LRRTM3: variants seen among roughly 807,000 people sequenced by gnomAD.
LRRTM3 encodes leucine rich repeat transmembrane neuronal 3.
LRRTM3 carries 24 observed loss-of-function variants against 44.7 expected under a neutral mutation model. The observed-to-expected ratio is 0.54, with a 90% CI of 0.39 to 0.76. The LOEUF is 0.76. Ranked by LOEUF, LRRTM3 falls within the 30% of genes least tolerant of loss-of-function variation. The pLI is 0.00. For missense variants in LRRTM3, 587 were observed against 702.2 expected (o/e 0.84, Z 1.85); for synonymous variants, 277 against 278.7 (o/e 0.99, Z 0.06).
chr10:66,995,845 G>A lies in LRRTM3; in HGVS notation c.1536+67393G>A, dbSNP rs373651968. Among the ~76,000 whole-genome samples the A allele has an allele frequency of 3.3e-5, 5 of 152,260 alleles. No homozygotes were observed. The East Asian group carries it at 7.7e-4, about 24-fold the overall frequency. On this transcript the variant is annotated intron_variant, in intron 2 of 2. Coordinates refer to ENST00000361320, the MANE Select transcript of LRRTM3 (RefSeq NM_178011.5). ...TCTACAAACCTTCCTGAAATCCACA[G>A]AGGAAATTATACACTTCCATCTTTG...
At chr10:67,044,093 T>A (rs1047025534) in intron 2 of LRRTM3, among the ~76,000 whole-genome samples, 1 of 151,780 alleles carries the variant, frequency 6.6e-6, no homozygotes, top group African/African-American at 2.4e-5. Context: ...CCTTCCCTCC[T>A]CCCTCTTTCC....
intron 2 of LRRTM3, among the ~76,000 whole-genome samples, chr10:66,948,118 T>A (rs769927233): frequency 5.3e-5 from 8 of 152,212 alleles, no homozygotes; most frequent in Admixed American, 2.6e-4. Flanking sequence ...ATCACCATCA[T>A]ATATGTAGTC....
intron 2 of LRRTM3, among the ~76,000 whole-genome samples, chr10:66,976,273 G>A (rs1850024544): frequency 6.6e-6 from 1 of 152,142 alleles, no homozygotes; most frequent in South Asian, 2.1e-4. Flanking sequence ...ACTAATATAG[G>A]GAATCAGGGA....
chr10:67,085,481 A>C (rs1013715000), intron 2 of LRRTM3, among the ~76,000 whole-genome samples: 8 of 151,958 alleles, frequency 5.3e-5, no homozygotes, highest in Non-Finnish European at 7.4e-5. Context: ...TATTACCTCC[A>C]ATCAGTCAAC....
At chr10:67,069,618 T>G (rs954944318) in intron 2 of LRRTM3, among the ~76,000 whole-genome samples, 2 of 116,640 alleles carry the variant, frequency 1.7e-5, no homozygotes, top group African/African-American at 6.7e-5. Context: ...TATCCTGACC[T>G]AAATACATAG....
At chr10:67,053,801 T>G (rs528119831) in intron 2 of LRRTM3, among the ~76,000 whole-genome samples, 1 of 152,320 alleles carries the variant, frequency 6.6e-6, no homozygotes, top group Admixed American at 6.5e-5. Context: ...ATTTTCCCAT[T>G]GAGATTAATC....
rs1051112043 is a variant in LRRTM3 at position 67,100,362 on chromosome 10, A to C, written c.*2566A>C. Among the ~76,000 whole-genome samples, 1 of 151,670 alleles carries C rather than the reference A, an allele frequency of 6.6e-6. No homozygotes were observed. The highest frequency in any genetic ancestry group is 1.5e-5 in the Non-Finnish European group (1 of 67,780). On this transcript the variant is annotated 3_prime_UTR_variant, in exon 3 of 3. Transcript: ENST00000361320. ...TTCAACCAAAAGGGTCTTTAGCAAG[A>C]AAAAAAATGCTGGATGATGATTATT... is the stretch of plus-strand genomic sequence containing the variant.
chr10:67,090,611 C>T (rs1002179466), intron 2 of LRRTM3, among the ~76,000 whole-genome samples: 3 of 152,088 alleles, frequency 2.0e-5, no homozygotes, highest in African/African-American at 7.2e-5. Context: ...TTCCTTTTCT[C>T]AACTGTTAGT....
At chr10:66,983,723 A>G (rs1411935890) in intron 2 of LRRTM3, among the ~76,000 whole-genome samples, 1 of 152,344 alleles carries the variant, frequency 6.6e-6, no homozygotes, top group East Asian at 1.9e-4. Flanking sequence ...ACAGCAAAAT[A>G]AATTATCCCA....
chr10:67,101,328 A>G lies in LRRTM3; in HGVS notation c.*3532A>G, dbSNP rs1185508473. 6.6e-6 allele frequency among the ~76,000 whole-genome samples: 1 copy of G among 151,758 alleles called. No homozygotes were observed. The highest frequency in any genetic ancestry group is 1.5e-5 in the Non-Finnish European group (1 of 67,804). ...GTTCAACACTTTGTCAACTGAACAC[A>G]TGTTCAATTCGGAGCTAATTGGGAA... On this transcript the variant is annotated 3_prime_UTR_variant, in exon 3 of 3. Coordinates refer to ENST00000361320, the MANE Select transcript of LRRTM3 (RefSeq NM_178011.5).
intron 2 of LRRTM3, among the ~76,000 whole-genome samples, chr10:67,043,522 C>T (rs1262734244): frequency 6.6e-6 from 1 of 152,118 alleles, no homozygotes; most frequent in Non-Finnish European, 1.5e-5. Flanking sequence ...GGGTTTATTT[C>T]AATGATTTCT....
intron 2 of LRRTM3, among the ~76,000 whole-genome samples, chr10:66,981,605 T>C (rs1850447148): frequency 6.6e-6 from 1 of 152,250 alleles, no homozygotes; most frequent in African/African-American, 2.4e-5. Context: ...GCTGTTTTAA[T>C]ATGGCATCTG....
At chr10:67,068,620 A>G (rs1242920800) in intron 2 of LRRTM3, among the ~76,000 whole-genome samples, 1 of 152,236 alleles carries the variant, frequency 6.6e-6, no homozygotes. Context: ...AAAAAAGACA[A>G]GAAGAAAATG....
chr10:67,073,222 G>C (rs1266600197), intron 2 of LRRTM3, among the ~76,000 whole-genome samples: 11 of 152,142 alleles, frequency 7.2e-5, no homozygotes, highest in Non-Finnish European at 1.5e-4. Flanking sequence ...CTGGTCCTAT[G>C]ACCTACTTGA....
intron 2 of LRRTM3, among the ~76,000 whole-genome samples, chr10:66,978,972 T>C (rs1374990334): frequency 8.5e-5 from 12 of 141,840 alleles, no homozygotes; most frequent in African/African-American, 3.1e-4. Flanking sequence ...TTTTTTTTTT[T>C]TTTTTTTTTT....
At chr10:67,055,283 T>C (rs1246315072) in intron 2 of LRRTM3, among the ~76,000 whole-genome samples, 1 of 152,196 alleles carries the variant, frequency 6.6e-6, no homozygotes, top group Non-Finnish European at 1.5e-5. Flanking sequence ...TTAAAACTTC[T>C]CATAATTTCC....
At chr10:67,088,961 G>A (rs1275568809) in intron 2 of LRRTM3, among the ~76,000 whole-genome samples, 1 of 151,784 alleles carries the variant, frequency 6.6e-6, no homozygotes, top group Non-Finnish European at 1.5e-5. Flanking sequence ...AATACGAATA[G>A]AACAATACAG....
At chr10:67,024,931 G>A (rs1342972349) in intron 2 of LRRTM3, among the ~76,000 whole-genome samples, 2 of 151,962 alleles carry the variant, frequency 1.3e-5, no homozygotes, top group African/African-American at 2.4e-5. Context: ...CGGAGTTTGA[G>A]ACCAGCCTGA....
chr10:67,007,840 TA>T (rs1589593088), intron 2 of LRRTM3, among the ~76,000 whole-genome samples: 1 of 152,048 alleles, frequency 6.6e-6, no homozygotes, highest in East Asian at 1.9e-4. Flanking sequence ...CACCTCAAAA[TA>T]GCCATTATTT....
Sources: allele counts gnomAD v4.1 joint callset (sites outside exome capture counted in the v4.1 genomes callset), GRCh38; gene constraint gnomAD v4.1.1; transcripts MANE v1.5; gene names NCBI Gene and HGNC (gene_info 2026-07-23, HGNC 2026-07-21).